The following ASIC2 variants were observed in gnomAD, a reference collection of about 807,000 sequenced individuals.
ASIC2 encodes acid-sensing ion channel 2.
A neutral mutation model predicts 57.3 loss-of-function variants in ASIC2; 25 were observed. The observed-to-expected ratio is 0.44, with a 90% CI of 0.32 to 0.61. The LOEUF (loss-of-function observed/expected upper bound fraction) is 0.61. Among genes scored for constraint, ASIC2 ranks in the 20% least tolerant of loss-of-function variants. The pLI is 0.06. For missense variants in ASIC2, 641 were observed against 738.1 expected (o/e 0.87, Z 1.52); for synonymous variants, 319 against 307.5 (o/e 1.04, Z -0.39).
chr17:33,824,494 G>A (rs937193379), intron 1 of ASIC2, among the ~76,000 whole-genome samples: 2 of 152,002 alleles, frequency 1.3e-5, no homozygotes, highest in African/African-American at 4.8e-5. Context: ...TTATAAGTAT[G>A]AGCTGATGAG....
chr17:33,395,469 C>A (rs1910043585), intron 1 of ASIC2, among the ~76,000 whole-genome samples: 1 of 152,126 alleles, frequency 6.6e-6, no homozygotes, highest in African/African-American at 2.4e-5. Flanking sequence ...GAGACTTACT[C>A]ATTATGACAA....
At chr17:34,111,277 CATATT>C (rs1051608504) in intron 1 of ASIC2, among the ~76,000 whole-genome samples, 1 of 147,584 alleles carries the variant, frequency 6.8e-6, no homozygotes, top group African/African-American at 2.5e-5. Context: ...TTATATACAA[CATATT>C]ATATAATTAT....
At chr17:33,944,528 A>G (rs1916263482) in intron 1 of ASIC2, among the ~76,000 whole-genome samples, 1 of 152,196 alleles carries the variant, frequency 6.6e-6, no homozygotes, top group Non-Finnish European at 1.5e-5. Flanking sequence ...GCAGTCGAGT[A>G]GGGCTGGATG....
chr17:33,902,997 A>C (rs992777943), intron 1 of ASIC2, among the ~76,000 whole-genome samples: 5 of 152,156 alleles, frequency 3.3e-5, no homozygotes, highest in African/African-American at 1.2e-4. Flanking sequence ...AAAAATAATA[A>C]ATGTGAAGAG....
chr17:33,711,722 T>C (rs1052874776), intron 1 of ASIC2, among the ~76,000 whole-genome samples: 6 of 152,034 alleles, frequency 3.9e-5, no homozygotes, highest in African/African-American at 1.5e-4. Context: ...AACCATCAGA[T>C]CTTATGAGAA....
At chr17:33,669,116 G>T (rs1007378050) in intron 1 of ASIC2, among the ~76,000 whole-genome samples, 1 of 152,120 alleles carries the variant, frequency 6.6e-6, no homozygotes, top group Non-Finnish European at 1.5e-5. Flanking sequence ...TTTTGCACTT[G>T]GTTGTTGGAA....
At chr17:33,409,222 AT>A (rs967313332) in intron 1 of ASIC2, among the ~76,000 whole-genome samples, 14 of 152,076 alleles carry the variant, frequency 9.2e-5, no homozygotes, top group Non-Finnish European at 1.3e-4. Flanking sequence ...CTAAAAAATA[AT>A]TTTTTTAAAA....
chr17:33,464,681 CTCTCTCTATATA>C (rs1384971224), intron 1 of ASIC2, among the ~76,000 whole-genome samples: 1 of 103,898 alleles, frequency 9.6e-6, no homozygotes, highest in East Asian at 2.6e-4. Context: ...CTCTCTCTCT[CTCTCTCTATATA>C]TATATATATA....
At chr17:33,103,300 A>G (rs528267759) in intron 2 of ASIC2, among the ~76,000 whole-genome samples, 1 of 152,338 alleles carries the variant, frequency 6.6e-6, no homozygotes, top group African/African-American at 2.4e-5. Context: ...CTTCATAAAT[A>G]TTAACGCACT....
At chr17:33,937,496 G>T (rs550827402) in intron 1 of ASIC2, among the ~76,000 whole-genome samples, 71 of 151,962 alleles carry the variant, frequency 4.7e-4, no homozygotes, top group Non-Finnish European at 8.5e-4. Flanking sequence ...TTGGAGAAAA[G>T]AAGAAAAATA....
chr17:34,142,376 A>G (rs1912294827), intron 1 of ASIC2, among the ~76,000 whole-genome samples: 1 of 152,194 alleles, frequency 6.6e-6, no homozygotes, highest in Non-Finnish European at 1.5e-5. Flanking sequence ...AGAAATACAT[A>G]TAGTGCTGGA....
rs142977456 is a variant in ASIC2, at chr17:33,170,728, A to T, written c.709-58661T>A. Among the ~76,000 whole-genome samples the T allele has an allele frequency of 1.1e-3, 171 of 152,300 alleles. 5 individuals carry two copies. In the East Asian group the frequency reaches 0.028, roughly 25 times the overall value. ...ACTTCTTTCATCAAGGGCTTCAAAG[A>T]TCTTACAGGTCATAAAAGACTAAAG... is the stretch of plus-strand genomic sequence containing the variant. On this transcript the variant is annotated intron_variant, in intron 1 of 9. Transcript: ENST00000225823.
chr17:33,610,960 G>A (rs1233641909), intron 1 of ASIC2, among the ~76,000 whole-genome samples: 1 of 152,180 alleles, frequency 6.6e-6, no homozygotes, highest in Non-Finnish European at 1.5e-5. Context: ...AATTAGCACA[G>A]AAACCCTGTA....
intron 1 of ASIC2, among the ~76,000 whole-genome samples, chr17:34,129,355 C>G (rs919068115): frequency 6.6e-6 from 1 of 152,160 alleles, no homozygotes; most frequent in Non-Finnish European, 1.5e-5. Flanking sequence ...GCATAACAAG[C>G]CTTGGAATAC....
intron 3 of ASIC2, among the ~76,000 whole-genome samples, chr17:33,078,136 G>T (rs992163225): frequency 6.6e-6 from 1 of 152,126 alleles, no homozygotes; most frequent in African/African-American, 2.4e-5. Flanking sequence ...GATAAAGTAG[G>T]TGAGTCCATA....
intron 3 of ASIC2, among the ~76,000 whole-genome samples, chr17:33,031,932 T>G (rs994549085): frequency 6.6e-6 from 1 of 152,240 alleles, no homozygotes; most frequent in Non-Finnish European, 1.5e-5. Context: ...ATTTATCTTT[T>G]TCCATCTACT....
At chr17:33,162,524 T>C (rs1019415) in intron 1 of ASIC2, among the ~76,000 whole-genome samples, 39,419 of 151,960 alleles carry the variant, frequency 0.26, 5,246 homozygotes, top group East Asian at 0.4. Flanking sequence ...CCCCCTCCTG[T>C]CTACAACTGA....
upstream of ASIC2, among the ~76,000 whole-genome samples, chr17:33,295,720 C>T (rs1433322612): frequency 1.3e-5 from 2 of 152,134 alleles, no homozygotes; most frequent in Admixed American, 1.3e-4. Context: ...ACACTGTTAC[C>T]GGGGAAGAGG....
Position 33,900,690 on chromosome 17 carries a change from T to A in ASIC2, c.555+255288A>T, listed in dbSNP as rs1396528302. Among the ~76,000 whole-genome samples, 3 of 152,184 alleles carry A rather than the reference T, an allele frequency of 2.0e-5. No homozygotes were observed. The East Asian group carries it at 5.8e-4, about 29-fold the overall frequency. ...GCAATAAAGACTCACTAATAGACAGTTTTATACATACTCATTGAGGTGTAA... is the reference window on the plus strand; with the variant it reads ...GCAATAAAGACTCACTAATAGACAGATTTATACATACTCATTGAGGTGTAA... On this transcript the variant is annotated intron_variant, in intron 1 of 9. Transcript: ENST00000359872.
Sources: gnomAD v4.1 joint callset for allele counts (sites outside exome capture counted in the v4.1 genomes callset) on GRCh38, gnomAD v4.1.1 for gene constraint, MANE v1.5 for transcripts, NCBI Gene and HGNC (gene_info 2026-07-23, HGNC 2026-07-21) for gene names.